Variants in SCEL observed in about 807,000 individuals in gnomAD.
SCEL encodes the protein sciellin.
In SCEL, 113 loss-of-function variants were observed where a neutral mutation model predicts 117.6. That is an observed-to-expected ratio of 0.96 (90% CI 0.83 to 1.12). SCEL has a LOEUF of 1.12. Among genes scored for constraint, SCEL ranks in the 50% most tolerant of loss-of-function variants. SCEL has a pLI of 0.00. For synonymous variants in SCEL, 270 were observed against 256.2 expected, an observed-to-expected ratio of 1.05 and a Z score of -0.51; for missense variants, 785 against 810.8, an observed-to-expected ratio of 0.97 and a Z score of 0.39.
intron 27 of SCEL, among the ~76,000 whole-genome samples, chr13:77,624,403 C>A (rs1453570060): frequency 6.6e-6 from 1 of 152,132 alleles, no homozygotes; most frequent in Non-Finnish European, 1.5e-5. Context: ...CGCGCCCAGC[C>A]AGAAAACTGT....
chr13:77,599,415 A>T (rs1472650855), intron 14 of SCEL, 27 bp downstream of exon 14: 1 of 1,582,840 alleles, frequency 6.3e-7, no homozygotes, highest in Non-Finnish European at 8.7e-7. Flanking sequence ...CAAATATGAA[A>T]ATCTTACCTT....
chr13:77,540,970 A>T (rs2083670520), intron 1 of SCEL, among the ~76,000 whole-genome samples: 1 of 152,202 alleles, frequency 6.6e-6, no homozygotes. Context: ...TACACAAGAG[A>T]TGTTGAATTA....
rs2089834603 is a variant in SCEL at position 77,628,012 on chromosome 13, A to G, written c.1691+3A>G. 1.4e-6 allele frequency: 2 copies of G among 1,457,296 alleles called. No individual in the cohort carries two copies. The highest frequency in any genetic ancestry group is 1.9e-6 in the Non-Finnish European group (2 of 1,074,796). 90.3% of individuals were successfully genotyped at this position (1,457,296 alleles called of 1,614,324 possible). A position where few individuals can be genotyped will look rare whatever the true frequency, so the allele number is the denominator to read the frequency against. ...GTGTCTGAAAACAAGAATGGAAGGT[A>G]AAGCTTATTATAATTCACTTTTTTT... On this transcript the variant is annotated splice_donor_region_variant and intron_variant, in intron 28 of 32. Coordinates refer to ENST00000349847, the MANE Select transcript of SCEL (RefSeq NM_144777.3).
At position 77,563,835 on chromosome 13, in the gene SCEL, G is replaced by GT; in HGVS notation, c.227dup (p.Asn77LysfsTer2). 6.3e-7 allele frequency: 1 copy of GT among 1,586,954 alleles called. No individual in the cohort carries two copies. Among genetic ancestry groups the GT allele is most frequent in the Non-Finnish European group, 8.6e-7 (1 of 1,169,544 alleles). On this transcript the variant is annotated frameshift_variant, in exon 5 of 33. Coordinates refer to ENST00000349847, the MANE Select transcript of SCEL (RefSeq NM_144777.3). LOFTEE classifies it high-confidence loss of function. Reference sequence around the variant, plus strand: ...TGGTAATTATGTTTGCTACAGGAAAGTAAATGAGAGAGATGTGCCAAAAGC... The same window carrying GT: ...TGGTAATTATGTTTGCTACAGGAAAGTTAAATGAGAGAGATGTGCCAAAAGC...
At chr13:77,565,632 A>T (rs1368933879) in intron 5 of SCEL, among the ~76,000 whole-genome samples, 1 of 152,250 alleles carries the variant, frequency 6.6e-6, no homozygotes, top group Non-Finnish European at 1.5e-5. Context: ...TAATTTTAGG[A>T]GGAAGATGAT....
At chr13:77,548,086 G>C (rs2084094058) in intron 1 of SCEL, among the ~76,000 whole-genome samples, 1 of 152,158 alleles carries the variant, frequency 6.6e-6, no homozygotes, top group Non-Finnish European at 1.5e-5. Context: ...TGCCCCTTTA[G>C]GGTCTGCTAG....
intron 5 of SCEL, among the ~76,000 whole-genome samples, chr13:77,567,225 G>T (rs774127251): frequency 6.6e-6 from 1 of 152,124 alleles, no homozygotes; most frequent in Non-Finnish European, 1.5e-5. Context: ...AGGTGGAGGC[G>T]GATGGGTTAC....
At chr13:77,558,915 C>A (rs1190923863) in intron 3 of SCEL, among the ~76,000 whole-genome samples, 1 of 150,848 alleles carries the variant, frequency 6.6e-6, no homozygotes, top group Non-Finnish European at 1.5e-5. Flanking sequence ...GTTGGGTTGA[C>A]ATGAAATAGG....
chr13:77,644,204 T>A, intron 32 of SCEL, 54 bp from the exon 33 acceptor site: 1 of 1,600,516 alleles, frequency 6.2e-7, no homozygotes, highest in Non-Finnish European at 8.6e-7. Flanking sequence ...TAAATTTTAA[T>A]GATGAGCTTG....
chr13:77,565,239 T>C (rs2085223275), intron 5 of SCEL, among the ~76,000 whole-genome samples: 1 of 152,214 alleles, frequency 6.6e-6, no homozygotes, highest in African/African-American at 2.4e-5. Context: ...TTAGTACCAC[T>C]GAGTGGGCTC....
At chr13:77,613,784 G>A (rs563340798) in intron 23 of SCEL, 109 bp from the exon 24 acceptor site, 2 of 848,162 alleles carry the variant, frequency 2.4e-6, no homozygotes, top group East Asian at 2.5e-5. Flanking sequence ...TGGAAACTCA[G>A]TAAACTTATG....
At chr13:77,586,257 C>T (rs2086559623) in intron 9 of SCEL, among the ~76,000 whole-genome samples, 1 of 152,120 alleles carries the variant, frequency 6.6e-6, no homozygotes, top group African/African-American at 2.4e-5. Context: ...TCTTGTTCTT[C>T]CCACTACTGC....
intron 30 of SCEL, 77 bp downstream of exon 30, chr13:77,637,271 C>A: frequency 9.3e-6 from 3 of 322,404 alleles, no homozygotes; most frequent in Non-Finnish European, 1.7e-5. Flanking sequence ...TATATATACA[C>A]ACACACAGGC....
chr13:77,569,402 T>C lies in SCEL; in HGVS notation c.430T>C (p.Ser144Pro), dbSNP rs981135361. The change falls in exon 8 of 33, where the codon TCC (serine) becomes CCC (proline). Residue 144 changes from serine (S) to proline (P), a missense_variant. Coordinates refer to ENST00000349847, the MANE Select transcript of SCEL (RefSeq NM_144777.3). ...QPGGSLNANT[S>P]NTIASTSATT... is the part of the protein sequence containing the mutation. ...TGGCGGTTCATTGAATGCCAACACC[T>C]CCAACACCATAGCATCCACTTCTGC... is the stretch of plus-strand genomic sequence containing the variant. 1.9e-6 allele frequency: 3 copies of C among 1,613,792 alleles called. No individual in the cohort carries two copies. The highest frequency in any genetic ancestry group is 2.5e-6 in the Non-Finnish European group (3 of 1,179,822).
intron 8 of SCEL, 31 bp downstream of exon 8, chr13:77,569,482 C>T: frequency 1.1e-5 from 16 of 1,514,764 alleles, no homozygotes; most frequent in Non-Finnish European, 1.5e-5. Context: ...CTACCTCTTG[C>T]TGATACACTA....
At chr13:77,601,022 T>G (rs2087635678) in intron 15 of SCEL, among the ~76,000 whole-genome samples, 1 of 152,200 alleles carries the variant, frequency 6.6e-6, no homozygotes, top group South Asian at 2.1e-4. Context: ...TCACACAGGC[T>G]TGTTAATAAC....
intron 18 of SCEL, chr13:77,604,149 C>T (rs1349254057): frequency 2.7e-6 from 1 of 364,710 alleles, no homozygotes; most frequent in Non-Finnish European, 4.8e-6. Flanking sequence ...AACAAAAAAT[C>T]AGATTTATTA....
chr13:77,607,292 C>T (rs1023903113), intron 19 of SCEL, among the ~76,000 whole-genome samples: 32 of 152,206 alleles, frequency 2.1e-4, no homozygotes, highest in African/African-American at 7.7e-4. Context: ...CTCAAGCGAT[C>T]CTCCCACCTT....
Position 77,569,462 on chromosome 13 carries a change from C to T in SCEL, c.479+11C>T. The T allele has an allele frequency of 1.3e-6, 2 of 1,591,522 alleles. No homozygotes were observed. The highest frequency in any genetic ancestry group is 1.1e-5 in the South Asian group (1 of 90,618). ...TGTAAAGAAGAAGAGGTAGGATGAA[C>T]TCACTGTGTCTACCTCTTGCTGATA... is the stretch of plus-strand genomic sequence containing the variant. On this transcript the variant is annotated intron_variant, in intron 8 of 32. Coordinates refer to ENST00000349847, the MANE Select transcript of SCEL (RefSeq NM_144777.3).
Sources: allele counts gnomAD v4.1 joint callset (sites outside exome capture counted in the v4.1 genomes callset), GRCh38; gene constraint gnomAD v4.1.1; transcripts MANE v1.5; gene names NCBI Gene and HGNC (gene_info 2026-07-23, HGNC 2026-07-21).